Variants in NBEAL1 observed in about 807,000 individuals in gnomAD.
NBEAL1 encodes neurobeachin like 1.
A neutral mutation model predicts 351.3 loss-of-function variants in NBEAL1; 273 were observed. The observed-to-expected ratio is 0.78, with a 90% CI of 0.70 to 0.86. NBEAL1 has a LOEUF of 0.86. NBEAL1 is among the 40% of genes least tolerant of loss of function. NBEAL1 has a pLI of 0.00. For synonymous variants in NBEAL1, 1,050 were observed against 1,086.4 expected, an observed-to-expected ratio of 0.97 and a Z score of 0.66; for missense variants, 2,961 against 3,201.3, an observed-to-expected ratio of 0.92 and a Z score of 1.81.
intron 53 of NBEAL1, 96 bp downstream of exon 53, chr2:203,209,418 C>T: frequency 2.2e-6 from 2 of 917,172 alleles, no homozygotes; most frequent in Middle Eastern, 2.6e-4. Flanking sequence ...GAAAGAACAC[C>T]ATATTTTAAA....
In NBEAL1 at chr2:203,144,781, A is replaced by G; in HGVS notation, c.5030A>G (p.Tyr1677Cys). 2.5e-5 allele frequency: 40 copies of G among 1,614,148 alleles called. No homozygotes were observed. Among genetic ancestry groups the G allele is most frequent in the Non-Finnish European group, 3.4e-5 (40 of 1,179,990 alleles). Residue 1677 changes from tyrosine to cysteine, a missense_variant, in exon 32 of 56, where the codon TAT becomes TGT. Coordinates refer to ENST00000683969, the MANE Select transcript of NBEAL1 (RefSeq NM_001378026.1). ...GTTCGTACCCTGGTTTCCAAAATTT[A>G]TGAGCTTCTCTTCATGAACTTGCAC... ...PLVRTLVSKIYELLFMNLHLP... is the reference protein window; with the variant it reads ...PLVRTLVSKICELLFMNLHLP...
chr2:203,050,936 C>A (rs1459132341), intron 4 of NBEAL1, among the ~76,000 whole-genome samples: 1 of 152,160 alleles, frequency 6.6e-6, no homozygotes, highest in African/African-American at 2.4e-5. Context: ...CCTCTTGAAA[C>A]CTATCTTCAT....
At chr2:203,143,898 T>C (rs572092674) in intron 31 of NBEAL1, among the ~76,000 whole-genome samples, 2 of 152,212 alleles carry the variant, frequency 1.3e-5, no homozygotes, top group South Asian at 4.1e-4. Flanking sequence ...CAGACAAGTT[T>C]GCTGCCCGGT....
intron 10 of NBEAL1, chr2:203,085,196 C>T (rs529885005): frequency 6.6e-6 from 1 of 152,510 alleles, no homozygotes; most frequent in East Asian, 1.9e-4. Flanking sequence ...TCAAGCAATT[C>T]TCCTGCCTCA....
intron 33 of NBEAL1, among the ~76,000 whole-genome samples, chr2:203,145,725 G>A (rs1007835697): frequency 1.3e-5 from 2 of 150,568 alleles, no homozygotes; most frequent in Non-Finnish European, 3.0e-5. Flanking sequence ...TTGAACCTGG[G>A]AGGCAGAGGT....
rs908969393 is a variant in NBEAL1, at chr2:203,223,876, T to G, written c.*6522T>G. On this transcript the variant is annotated 3_prime_UTR_variant, in exon 56 of 56. Coordinates refer to ENST00000683969, the MANE Select transcript of NBEAL1 (RefSeq NM_001378026.1). ...CTTGTCTGTATACGACATAATTGTTTTACTCTTCAGAATGTGAAAGTTATA... is the reference window on the plus strand; with the variant it reads ...CTTGTCTGTATACGACATAATTGTTGTACTCTTCAGAATGTGAAAGTTATA... 1.2e-4 allele frequency among the ~76,000 whole-genome samples: 18 copies of G among 152,208 alleles called. No individual in the cohort carries two copies. The highest frequency in any genetic ancestry group is 4.1e-4 in the African/African-American group (17 of 41,580).
At position 203,190,368 on chromosome 2, in the gene NBEAL1, A is replaced by C; in HGVS notation, c.6900A>C (p.Gln2300His). The C allele has an allele frequency of 6.2e-7, 1 of 1,610,700 alleles. No individual in the cohort carries two copies. The highest frequency in any genetic ancestry group is 8.5e-7 in the Non-Finnish European group (1 of 1,178,768). Residue 2300 changes from glutamine (Q) to histidine (H), a missense_variant, in exon 46 of 56, where the codon CAA becomes CAC. By Grantham distance (24) the Gln-to-His change is conservative. Coordinates refer to ENST00000683969, the MANE Select transcript of NBEAL1 (RefSeq NM_001378026.1). Reference sequence around the variant, plus strand: ...AAGGGATGATTAATAATTTTGGGCAAACACCCTGTCAATTATTAAAGGTAA... The same window carrying C: ...AAGGGATGATTAATAATTTTGGGCACACACCCTGTCAATTATTAAAGGTAA... ...ALEGMINNFG[Q>H]TPCQLLKEPH...
In NBEAL1 at chr2:203,126,469, T is replaced by C. The variant is rs182061995; in HGVS notation, c.2986-88T>C. 7.0e-5 allele frequency: 72 copies of C among 1,035,206 alleles called. No homozygotes were observed. In the East Asian group the frequency reaches 2.1e-3, roughly 30 times the overall value. 64.1% of individuals were successfully genotyped at this position (1,035,206 alleles called of 1,614,324 possible). ...TGGGTTTTTCTATTTTTATACTTAGTAGATGTTCTGATTAATGATTTAAAA... is the reference window on the plus strand; with the variant it reads ...TGGGTTTTTCTATTTTTATACTTAGCAGATGTTCTGATTAATGATTTAAAA... On this transcript the variant is annotated intron_variant, in intron 21 of 55. Coordinates refer to ENST00000683969, the MANE Select transcript of NBEAL1 (RefSeq NM_001378026.1).
intron 1 of NBEAL1, 192 bp from the exon 2 acceptor site, chr2:203,015,964 C>G (rs573698635): frequency 6.5e-6 from 1 of 154,354 alleles, no homozygotes; most frequent in Non-Finnish European, 1.4e-5. Flanking sequence ...CTAGAGGATT[C>G]TATGGTGGAC....
At chr2:203,215,165 A>G (rs7572300) in intron 55 of NBEAL1, among the ~76,000 whole-genome samples, 134,397 of 152,068 alleles carry the variant, frequency 0.88, 60,518 homozygotes, top group Non-Finnish European at 0.96. Context: ...AGGCCATCTC[A>G]GCCAACATGG....
chr2:203,157,666 T>G, intron 35 of NBEAL1, 33 bp from the exon 36 acceptor site: 1 of 1,508,238 alleles, frequency 6.6e-7, no homozygotes, highest in South Asian at 1.4e-5. Context: ...GTTTTTTACT[T>G]TATGTTTAAT....
intron 2 of NBEAL1, among the ~76,000 whole-genome samples, chr2:203,020,332 C>G (rs1477187977): frequency 6.6e-6 from 1 of 152,206 alleles, no homozygotes; most frequent in East Asian, 1.9e-4. Context: ...CCCAACAGTC[C>G]TGCTTTCTAA....
rs771864632 is a variant in NBEAL1 at position 203,222,908 on chromosome 2, G to A, written c.*5554G>A. On this transcript the variant is annotated 3_prime_UTR_variant, in exon 56 of 56. Transcript: ENST00000683969. ...TTTTATAGGTATAACAGAGAAGAAC[G>A]CATTAACATTTAAGATGTTTAATTC... Among the ~76,000 whole-genome samples, 3 of 152,090 alleles carry A rather than the reference G, an allele frequency of 2.0e-5. No homozygotes were observed. Among genetic ancestry groups the A allele is most frequent in the Non-Finnish European group, 4.4e-5 (3 of 68,000 alleles).
intron 4 of NBEAL1, among the ~76,000 whole-genome samples, chr2:203,053,328 T>A (rs1389667934): frequency 2.6e-5 from 4 of 152,222 alleles, no homozygotes; most frequent in Admixed American, 1.3e-4. Context: ...TGACAAAAGA[T>A]GTTCACCATC....
Position 203,136,140 on chromosome 2 carries a change from C to T in NBEAL1, c.4277C>T (p.Thr1426Ile). ...CAAGTGCCAGACAGTCTGCCTAGCA[C>T]ACCATCCCCAGTAGAGTCTACTAAA... ...GSQVPDSLPS[T>I]PSPVESTKSF... The change falls in exon 28 of 56, where the codon ACA (threonine) becomes ATA (isoleucine). Residue 1426 changes from threonine (T) to isoleucine (I), a missense_variant. Coordinates refer to ENST00000683969, the MANE Select transcript of NBEAL1 (RefSeq NM_001378026.1). 1 of 1,614,140 alleles carries T rather than the reference C, an allele frequency of 6.2e-7. No individual in the cohort carries two copies. Among genetic ancestry groups the T allele is most frequent in the Non-Finnish European group, 8.5e-7 (1 of 1,179,986 alleles).
chr2:203,130,216 C>A, intron 24 of NBEAL1, 102 bp from the exon 25 acceptor site: 1 of 1,134,538 alleles, frequency 8.8e-7, no homozygotes, highest in Non-Finnish European at 1.2e-6. Flanking sequence ...TAAGATAAAA[C>A]ATTATATAGG....
chr2:203,037,245 A>G (rs1270083947), intron 2 of NBEAL1, among the ~76,000 whole-genome samples: 1 of 149,152 alleles, frequency 6.7e-6, no homozygotes, highest in Admixed American at 6.8e-5. Context: ...TTTCGGGGAA[A>G]TAAGTTCCTT....
At chr2:203,043,160 T>G (rs993574620) in intron 3 of NBEAL1, among the ~76,000 whole-genome samples, 2 of 152,096 alleles carry the variant, frequency 1.3e-5, no homozygotes, top group African/African-American at 4.8e-5. Context: ...AGAAAACATC[T>G]TAGAGGAGGT....
At chr2:203,126,747 T>G in intron 22 of NBEAL1, 31 bp downstream of exon 22, 1 of 1,516,798 alleles carries the variant, frequency 6.6e-7, no homozygotes, top group Non-Finnish European at 8.8e-7. Context: ...AAACATTTTA[T>G]AGTTGTTTTA....
Sources: gnomAD v4.1 joint callset for allele counts (sites outside exome capture counted in the v4.1 genomes callset) on GRCh38, gnomAD v4.1.1 for gene constraint, MANE v1.5 for transcripts, NCBI Gene and HGNC (gene_info 2026-07-23, HGNC 2026-07-21) for gene names.